IDE: variants seen among roughly 807,000 people sequenced by gnomAD.
IDE encodes insulin degrading enzyme.
IDE carries 58 observed loss-of-function variants against 133.2 expected under a neutral mutation model. The ratio of observed to expected loss-of-function variants is 0.44; its 90% CI spans 0.35 to 0.54. The LOEUF is 0.54. Ranked by LOEUF, IDE falls within the 20% of genes least tolerant of loss-of-function variation. The pLI, the probability that IDE is intolerant of heterozygous loss-of-function variation, is 0.00. For missense variants in IDE, 981 were observed against 1,234.0 expected (o/e 0.79, Z 3.07); for synonymous variants, 396 against 421.3 (o/e 0.94, Z 0.73).
chr10:92,573,249 C>G lies in IDE; in HGVS notation c.98+673G>C, dbSNP rs1393665247. 1.1e-5 allele frequency: 10 copies of G among 905,012 alleles called. No homozygotes were observed. The East Asian group carries it at 9.5e-4, about 86-fold the overall frequency. The allele number at this position is 905,012 out of a possible 1,614,324, so 56.1% of individuals were successfully genotyped here. A position where few individuals can be genotyped will look rare whatever the true frequency, so the allele number is the denominator to read the frequency against. On this transcript the variant is annotated intron_variant, in intron 1 of 24. Transcript: ENST00000265986. ...CCTAATCCTGGTTTTGCCACAATCT[C>G]GGCAGTTGCTGGGAAATCAAGCCAT...
intron 4 of IDE, among the ~76,000 whole-genome samples, chr10:92,524,106 A>C (rs1398841479): frequency 6.7e-6 from 1 of 149,628 alleles, no homozygotes; most frequent in Non-Finnish European, 1.5e-5. Context: ...GAAAAAGTGA[A>C]AGTGGATACC....
At chr10:92,512,153 A>C (rs1323938733) in intron 5 of IDE, among the ~76,000 whole-genome samples, 1 of 152,200 alleles carries the variant, frequency 6.6e-6, no homozygotes, top group Non-Finnish European at 1.5e-5. Context: ...TGTTCAGATA[A>C]TTAGTGCTTC....
intron 12 of IDE, among the ~76,000 whole-genome samples, chr10:92,488,656 A>G (rs1357036130): frequency 6.6e-6 from 1 of 152,000 alleles, no homozygotes; most frequent in Non-Finnish European, 1.5e-5. Context: ...GTGCACCTGT[A>G]ATCTCAGCTA....
intron 17 of IDE, among the ~76,000 whole-genome samples, chr10:92,471,403 C>T (rs1348758261): frequency 6.6e-6 from 1 of 152,208 alleles, no homozygotes; most frequent in Non-Finnish European, 1.5e-5. Flanking sequence ...AAAGTAGCTA[C>T]TATTATCCCC....
In IDE at chr10:92,531,782, C is replaced by T. The variant is rs1383275096; in HGVS notation, c.627G>A (p.Gly209=). Residue 209 remains glycine (G), a synonymous_variant, in exon 4 of 25, where the codon GGG becomes GGA. Transcript: ENST00000265986. ...WRLFQLEKAT[G]NPKHPFSKFG... ...ATTTACTGAAGGGGTGTTTAGGATT[C>T]CCTGTAGCTTTTTCCAATTGAAAGA... is the stretch of plus-strand genomic sequence containing the variant. The T allele has an allele frequency of 1.9e-6, 3 of 1,602,650 alleles. No homozygotes were observed. Among genetic ancestry groups the T allele is most frequent in the Middle Eastern group, 1.7e-4 (1 of 6,014 alleles).
At position 92,507,664 on chromosome 10, in the gene IDE, G is replaced by A. The variant is rs774716751; in HGVS notation, c.1156C>T (p.His386Tyr). ...NVDLTEEGLL[H>Y]VEDIILHMFQ... ...ATGTGCAAAATTATATCTTCAACAT[G>A]TACTGGAAAAAAGGGGCACACTTAA... The change falls in exon 9 of 25, where the codon CAT (histidine) becomes TAT (tyrosine). Residue 386 changes from histidine to tyrosine, a missense_variant and splice_region_variant. His to Tyr is a moderately conservative substitution (Grantham distance 83, BLOSUM62 2). Around this residue, in one of 2 missense-constraint regions of IDE, gnomAD observed 660 missense variants for 894.7 expected, o/e 0.74. Coordinates refer to ENST00000265986, the MANE Select transcript of IDE (RefSeq NM_004969.4). 6.4e-7 allele frequency: 1 copy of A among 1,555,058 alleles called. No individual in the cohort carries two copies. The highest frequency in any genetic ancestry group is 1.1e-5 in the South Asian group (1 of 89,864).
chr10:92,482,216 A>G (rs920831956), intron 14 of IDE, among the ~76,000 whole-genome samples: 1 of 152,218 alleles, frequency 6.6e-6, no homozygotes, highest in Non-Finnish European at 1.5e-5. Context: ...TGATTATCAT[A>G]TTGAACATTA....
chr10:92,559,376 CCAT>C lies in IDE; in HGVS notation c.98+14543_98+14545del, dbSNP rs1286403585. Among the ~76,000 whole-genome samples the C allele has an allele frequency of 3.3e-5, 5 of 152,262 alleles. No individual in the cohort carries two copies. In the South Asian group the frequency reaches 1.0e-3, roughly 32 times the overall value. On this transcript the variant is annotated intron_variant, in intron 1 of 24. Coordinates refer to ENST00000265986, the MANE Select transcript of IDE (RefSeq NM_004969.4). ...TCAAGACTGGAAATAATCCAAATGT[CCAT>C]CAACTAATGAATGGATAAATACAAT...
intron 4 of IDE, among the ~76,000 whole-genome samples, chr10:92,525,819 C>T (rs1849595409): frequency 7.1e-6 from 1 of 141,684 alleles, no homozygotes; most frequent in Non-Finnish European, 1.6e-5. Flanking sequence ...AAAAAACAAA[C>T]ACACAACAAA....
chr10:92,530,318 A>G (rs1426305578), intron 4 of IDE, among the ~76,000 whole-genome samples: 3 of 150,442 alleles, frequency 2.0e-5, no homozygotes, highest in Non-Finnish European at 4.5e-5. Flanking sequence ...TTTTTTTGAG[A>G]CAGGGTCTTA....
chr10:92,488,716 G>A (rs1847161803), intron 12 of IDE, among the ~76,000 whole-genome samples: 2 of 151,750 alleles, frequency 1.3e-5, no homozygotes, highest in South Asian at 4.2e-4. Flanking sequence ...GGCAGAGGTT[G>A]CAGTGAGCCA....
chr10:92,525,871 C>G (rs1237364340), intron 4 of IDE, among the ~76,000 whole-genome samples: 2 of 151,772 alleles, frequency 1.3e-5, no homozygotes, highest in African/African-American at 4.8e-5. Flanking sequence ...AGTAAAAGAT[C>G]TCAGGCTGGG....
intron 1 of IDE, among the ~76,000 whole-genome samples, chr10:92,538,450 G>A (rs1018222519): frequency 6.6e-6 from 1 of 152,144 alleles, no homozygotes; most frequent in Non-Finnish European, 1.5e-5. Flanking sequence ...GCAATAACAA[G>A]GACATAAAAC....
At chr10:92,552,278 T>A (rs899716167) in intron 1 of IDE, among the ~76,000 whole-genome samples, 1 of 152,080 alleles carries the variant, frequency 6.6e-6, no homozygotes, top group African/African-American at 2.4e-5. Flanking sequence ...ATGTGTACAC[T>A]AGAATTGAGG....
chr10:92,567,574 G>C (rs970802100), intron 1 of IDE, among the ~76,000 whole-genome samples: 5 of 152,164 alleles, frequency 3.3e-5, no homozygotes, highest in Non-Finnish European at 5.9e-5. Context: ...TGCTCAAAAA[G>C]CATCTGAGGT....
intron 1 of IDE, among the ~76,000 whole-genome samples, chr10:92,562,836 T>G (rs1259222755): frequency 6.6e-6 from 1 of 152,266 alleles, no homozygotes; most frequent in Non-Finnish European, 1.5e-5. Context: ...TCAAATTTAC[T>G]TCCTCCATAA....
rs1848446505 is a variant in IDE, at chr10:92,508,958, G to A, written c.898-68C>T. 7 of 1,294,566 alleles carry A rather than the reference G, an allele frequency of 5.4e-6. No individual in the cohort carries two copies. In the East Asian group the frequency reaches 1.4e-4, roughly 26 times the overall value. The allele number at this position is 1,294,566 out of a possible 1,614,324, so 80.2% of individuals were successfully genotyped here. On this transcript the variant is annotated intron_variant, in intron 6 of 24. Transcript: ENST00000265986. ...ACTGAAGAAAATATTTCTAAACTAT[G>A]AAGAATGATTTTCATGGGAGAATCC...
intron 4 of IDE, among the ~76,000 whole-genome samples, chr10:92,521,914 A>G (rs1849245594): frequency 6.6e-6 from 1 of 152,148 alleles, no homozygotes; most frequent in African/African-American, 2.4e-5. Context: ...AATATTTATG[A>G]GCAAAATGAT....
chr10:92,524,325 T>TTTTA (rs1849401667), intron 4 of IDE, among the ~76,000 whole-genome samples: 1 of 58,082 alleles, frequency 1.7e-5, no homozygotes, highest in Admixed American at 3.3e-4. Context: ...ATATAATATA[T>TTTTA]TATTATATAT....
Sources: gnomAD v4.1 joint callset for allele counts (sites outside exome capture counted in the v4.1 genomes callset) on GRCh38, gnomAD v4.1.1 for gene constraint, gnomAD v4.1.1 regional missense constraint, MANE v1.5 for transcripts, NCBI Gene and HGNC (gene_info 2026-07-23, HGNC 2026-07-21) for gene names.